The following THOC5 variants were observed in gnomAD, a reference collection of about 807,000 sequenced individuals.
THOC5 encodes the protein Fms-interacting protein.
A neutral mutation model predicts 92.9 loss-of-function variants in THOC5; 43 were observed. That is an observed-to-expected ratio of 0.46 (90% CI 0.36 to 0.60). The LOEUF (loss-of-function observed/expected upper bound fraction) is 0.60, where lower values mean the gene tolerates loss of function less well. THOC5 is among the 20% of genes least tolerant of loss of function. The probability of loss-of-function intolerance (pLI) is 0.00; values close to 1 mark genes in which losing one functional copy is unlikely to be tolerated. For missense variants in THOC5, 659 were observed against 849.4 expected, an observed-to-expected ratio of 0.78 and a Z score of 2.79; for synonymous variants, 296 against 320.1, an observed-to-expected ratio of 0.92 and a Z score of 0.80.
intron 17 of THOC5, among the ~76,000 whole-genome samples, chr22:29,515,972 C>CAAAAA (rs1321607826): frequency 3.3e-5 from 5 of 151,858 alleles, no homozygotes; most frequent in Non-Finnish European, 5.9e-5. Context: ...TACAAAAAAA[C>CAAAAA]AAAAACAAAA....
At chr22:29,520,957 C>T (rs754425880) in intron 13 of THOC5, 41 bp downstream of exon 13, 1 of 1,514,692 alleles carries the variant, frequency 6.6e-7, no homozygotes, top group South Asian at 1.1e-5. Context: ...CAGAGAAACT[C>T]AGAAGTAGAG....
intron 8 of THOC5, 93 bp from the exon 9 acceptor site, chr22:29,529,332 C>T (rs549403512): frequency 1.2e-5 from 15 of 1,290,032 alleles, no homozygotes; most frequent in African/African-American, 1.5e-5. Context: ...TTTCTCCCAC[C>T]TCTGCCCAGC....
At chr22:29,547,962 C>T (rs1238772751) in intron 2 of THOC5, among the ~76,000 whole-genome samples, 2 of 152,100 alleles carry the variant, frequency 1.3e-5, no homozygotes, top group Admixed American at 1.3e-4. Flanking sequence ...AGGAACATGG[C>T]AGGAGGTGAA....
At chr22:29,540,409 A>T (rs2063857024) in intron 5 of THOC5, among the ~76,000 whole-genome samples, 1 of 152,240 alleles carries the variant, frequency 6.6e-6, no homozygotes, top group African/African-American at 2.4e-5. Context: ...TAAGCCTCAC[A>T]ACAACTCTAA....
intron 7 of THOC5, 101 bp downstream of exon 7, chr22:29,536,523 C>A: frequency 8.4e-6 from 6 of 713,634 alleles, no homozygotes; most frequent in Non-Finnish European, 1.5e-5. Flanking sequence ...ATACTATACT[C>A]TAATTTAGGG....
At chr22:29,530,539 A>C (rs1230139595) in intron 8 of THOC5, among the ~76,000 whole-genome samples, 1 of 152,152 alleles carries the variant, frequency 6.6e-6, no homozygotes, top group Non-Finnish European at 1.5e-5. Context: ...AATTTTTTTT[A>C]ATACTCACAA....
intron 1 of THOC5, among the ~76,000 whole-genome samples, chr22:29,551,931 G>C: frequency 6.6e-6 from 1 of 151,164 alleles, no homozygotes; most frequent in South Asian, 2.1e-4. Flanking sequence ...AATTGCAGGC[G>C]CGCGCCGCCA....
intron 13 of THOC5, 71 bp downstream of exon 13, chr22:29,520,927 C>T: frequency 8.2e-7 from 1 of 1,214,954 alleles, no homozygotes; most frequent in Non-Finnish European, 1.2e-6. Context: ...AACAGGTCTC[C>T]AGCATTTAGC....
chr22:29,528,198 A>T, intron 10 of THOC5, 21 bp from the exon 11 acceptor site: 1 of 1,614,140 alleles, frequency 6.2e-7, no homozygotes, highest in Non-Finnish European at 8.5e-7. Context: ...GAAAGTGCCA[A>T]GCTGATGAGC....
intron 8 of THOC5, among the ~76,000 whole-genome samples, chr22:29,529,513 C>T (rs377450459): frequency 2.0e-4 from 31 of 152,236 alleles, no homozygotes; most frequent in African/African-American, 6.7e-4. Flanking sequence ...TTTTTTGGTG[C>T]ACACCAAAGC....
chr22:29,540,283 A>G (rs969470501), intron 5 of THOC5, among the ~76,000 whole-genome samples: 4 of 152,148 alleles, frequency 2.6e-5, no homozygotes, highest in Admixed American at 6.5e-5. Context: ...AAAAAATCCA[A>G]CCCTCTTTGC....
chr22:29,553,121 T>G (rs573895517), intron 1 of THOC5, among the ~76,000 whole-genome samples: 1 of 152,312 alleles, frequency 6.6e-6, no homozygotes, highest in Non-Finnish European at 1.5e-5. Context: ...CAGGGTCCTC[T>G]GCCTAGGAAA....
At chr22:29,546,045 T>C (rs757586866) in intron 2 of THOC5, among the ~76,000 whole-genome samples, 4 of 152,258 alleles carry the variant, frequency 2.6e-5, no homozygotes, top group Non-Finnish European at 4.4e-5. Flanking sequence ...CAAACCTCAA[T>C]TCTTGACTTC....
chr22:29,538,781 A>G (rs550857782), intron 6 of THOC5, among the ~76,000 whole-genome samples: 1 of 131,782 alleles, frequency 7.6e-6, no homozygotes, highest in Admixed American at 8.3e-5. Context: ...TGAGCAATAG[A>G]GTGAAACGCC....
At chr22:29,553,531 C>G (rs2064226039) in intron 1 of THOC5, 140 bp downstream of exon 1, 1 of 152,604 alleles carries the variant, frequency 6.6e-6, no homozygotes, top group African/African-American at 2.4e-5. Context: ...CGCCGAGAGG[C>G]CGGGGACCGC....
chr22:29,508,628 C>G (rs2063165070), intron 19 of THOC5, 108 bp from the exon 20 acceptor site: 11 of 989,696 alleles, frequency 1.1e-5, no homozygotes, highest in Middle Eastern at 2.1e-4. Flanking sequence ...TTACATGACA[C>G]AGAATGTTGT....
At chr22:29,551,171 G>T (rs1411595775) in intron 1 of THOC5, among the ~76,000 whole-genome samples, 1 of 152,080 alleles carries the variant, frequency 6.6e-6, no homozygotes, top group Non-Finnish European at 1.5e-5. Flanking sequence ...CAGTGGCTCA[G>T]GCCTGTAATC....
chr22:29,544,543 CAT>C lies in THOC5; in HGVS notation c.155_156del (p.Tyr52Ter). 1 of 1,614,050 alleles carries C rather than the reference CAT, an allele frequency of 6.2e-7. No individual in the cohort carries two copies. On this transcript the variant is annotated frameshift_variant, in exon 3 of 20. Coordinates refer to ENST00000490103, the MANE Select transcript of THOC5 (RefSeq NM_003678.5). LOFTEE classifies it high-confidence loss of function. The stretch of plus-strand genomic sequence containing the variant: ...TCCTGGCAGGTGTACTTGTATAACT[CAT>C]AGTCTCTGCCAGGGTCCCGCAGATC... ...EVDLRDPGRD[Y>X]ELYKYTCQEL...
At chr22:29,532,376 T>C (rs2063672610) in intron 7 of THOC5, among the ~76,000 whole-genome samples, 1 of 151,670 alleles carries the variant, frequency 6.6e-6, no homozygotes, top group Non-Finnish European at 1.5e-5. Context: ...CAAATAAGAA[T>C]AAACAGGCCG....
Sources: allele counts gnomAD v4.1 joint callset (sites outside exome capture counted in the v4.1 genomes callset), GRCh38; gene constraint gnomAD v4.1.1; transcripts MANE v1.5; gene names NCBI Gene and HGNC (gene_info 2026-07-23, HGNC 2026-07-21).